The following WASF3 variants were observed in gnomAD, a reference collection of about 807,000 sequenced individuals.
The protein encoded by WASF3 is WASP family member 3.
WASF3 carries 11 observed loss-of-function variants against 46.6 expected under a neutral mutation model. That is an observed-to-expected ratio of 0.24 (90% CI 0.15 to 0.39). WASF3 has a LOEUF of 0.39. Among genes scored for constraint, WASF3 ranks in the 10% least tolerant of loss-of-function variants. WASF3 has a pLI of 1.00. For synonymous variants in WASF3, 242 were observed against 259.7 expected (o/e 0.93, Z 0.65); for missense variants, 576 against 669.8 (o/e 0.86, Z 1.55).
At chr13:26,684,994 G>T (rs1883357373) in intron 9 of WASF3, among the ~76,000 whole-genome samples, 1 of 151,998 alleles carries the variant, frequency 6.6e-6, no homozygotes, top group Non-Finnish European at 1.5e-5. Context: ...AGGCTGAGGT[G>T]GGAGGATTGC....
intron 2 of WASF3, among the ~76,000 whole-genome samples, chr13:26,624,852 GA>G (rs1214613534): frequency 6.6e-6 from 1 of 152,006 alleles, no homozygotes; most frequent in East Asian, 1.9e-4. Flanking sequence ...AGTATCAAGA[GA>G]AAAAGCTCAA....
At chr13:26,621,750 G>C (rs1469008047) in intron 2 of WASF3, among the ~76,000 whole-genome samples, 3 of 152,090 alleles carry the variant, frequency 2.0e-5, no homozygotes, top group Non-Finnish European at 2.9e-5. Flanking sequence ...GAAGCAGTGT[G>C]GCTCTAGAAG....
chr13:26,614,954 G>GTAT (rs1881086500), intron 2 of WASF3, among the ~76,000 whole-genome samples: 3 of 3,942 alleles, frequency 7.6e-4, no homozygotes, highest in Non-Finnish European at 5.7e-4. Context: ...TGTTCAGACT[G>GTAT]TTGTTGTAGG....
At chr13:26,633,196 A>ATTTATTTTTTT (rs1881705978) in intron 2 of WASF3, among the ~76,000 whole-genome samples, 3 of 22,170 alleles carry the variant, frequency 1.4e-4, no homozygotes, top group South Asian at 2.3e-3. Flanking sequence ...GATCTTAGTT[A>ATTTATTTTTTT]TTTCTTTTTT....
At chr13:26,641,144 C>A (rs1433579382) in intron 2 of WASF3, 2 of 152,134 alleles carry the variant, frequency 1.3e-5, no homozygotes, top group East Asian at 3.9e-4. Context: ...ATTTACCTTT[C>A]TTTTCCAGAG....
chr13:26,587,121 A>G (rs1880151464), intron 1 of WASF3, among the ~76,000 whole-genome samples: 3 of 149,962 alleles, frequency 2.0e-5, no homozygotes. Context: ...AAAAAAAAAA[A>G]AAAGGAAGAA....
intron 3 of WASF3, among the ~76,000 whole-genome samples, chr13:26,654,011 A>G (rs1184497762): frequency 6.6e-6 from 1 of 152,154 alleles, no homozygotes; most frequent in Non-Finnish European, 1.5e-5. Flanking sequence ...ATCCAGTCCA[A>G]TAGTGAAATG....
chr13:26,557,346 G>A (rs1382435969), upstream of WASF3, among the ~76,000 whole-genome samples: 1 of 152,166 alleles, frequency 6.6e-6, no homozygotes, highest in Non-Finnish European at 1.5e-5. Context: ...TAGGATATAA[G>A]CGCAAACTCA....
the WASF3 span, among the ~76,000 whole-genome samples, chr13:26,550,087 C>T: frequency 6.6e-6 from 1 of 152,132 alleles, no homozygotes; most frequent in Non-Finnish European, 1.5e-5. Context: ...GAATTTGGAG[C>T]AATAGCTATT....
intron 1 of WASF3, chr13:26,576,930 G>T: frequency 2.6e-6 from 2 of 773,666 alleles, no homozygotes; most frequent in South Asian, 1.4e-5. Context: ...GAGGCAAAAA[G>T]GGAGCCAAGA....
chr13:26,622,879 C>T (rs1881350396), intron 2 of WASF3: 1 of 152,168 alleles, frequency 6.6e-6, no homozygotes, highest in Admixed American at 6.5e-5. Flanking sequence ...CTTGTTCTTA[C>T]TGTGAAGGTG....
intron 1 of WASF3, among the ~76,000 whole-genome samples, chr13:26,571,274 A>T (rs561838445): frequency 1.1e-4 from 13 of 120,318 alleles, no homozygotes; most frequent in African/African-American, 3.4e-4. Flanking sequence ...AGATTTATCA[A>T]GCTTTTCTTT....
the WASF3 span, among the ~76,000 whole-genome samples, chr13:26,542,366 C>T: frequency 6.6e-6 from 1 of 152,196 alleles, no homozygotes; most frequent in African/African-American, 2.4e-5. Flanking sequence ...GTGATGGCAT[C>T]TCATTCTTGG....
At position 26,664,165 on chromosome 13, in the gene WASF3, A is replaced by G. The variant is rs181516059; in HGVS notation, c.134-863A>G. 1.5e-3 allele frequency among the ~76,000 whole-genome samples: 233 copies of G among 152,344 alleles called. 1 individual carries two copies. Among genetic ancestry groups the G allele is most frequent in the African/African-American group, 5.5e-3 (229 of 41,562 alleles). On this transcript the variant is annotated intron_variant, in intron 3 of 9. Transcript: ENST00000335327. ...AACTTTAGGGTTATTCTTAACTCTA[A>G]TGAAGTTTTCTTCCTGGGAGGTTCA...
chr13:26,631,146 C>T (rs2137261105), intron 2 of WASF3, among the ~76,000 whole-genome samples: 1 of 152,312 alleles, frequency 6.6e-6, no homozygotes, highest in African/African-American at 2.4e-5. Context: ...CATGCAGAAG[C>T]TCTTTAGTTT....
intron 3 of WASF3, among the ~76,000 whole-genome samples, chr13:26,659,079 T>G (rs1169218017): frequency 6.6e-6 from 1 of 152,212 alleles, no homozygotes; most frequent in Non-Finnish European, 1.5e-5. Flanking sequence ...ACTTGGTGAT[T>G]AGTGCTAGTC....
At chr13:26,587,196 TTTGTTTTTTAGTA>T (rs1305280496) in intron 1 of WASF3, among the ~76,000 whole-genome samples, 1 of 151,118 alleles carries the variant, frequency 6.6e-6, no homozygotes, top group Non-Finnish European at 1.5e-5. Context: ...TGGTGGTTTG[TTTGTTTTTTAGTA>T]TTGCAGAGGG....
intron 2 of WASF3, among the ~76,000 whole-genome samples, chr13:26,614,085 C>A (rs189359439): frequency 4.0e-5 from 6 of 151,000 alleles, no homozygotes; most frequent in Admixed American, 1.3e-4. Flanking sequence ...TTTCTTTTTT[C>A]TTTTGGAAGG....
chr13:26,553,895 A>T (rs1879023278), upstream of WASF3, among the ~76,000 whole-genome samples: 1 of 152,060 alleles, frequency 6.6e-6, no homozygotes, highest in South Asian at 2.1e-4. Context: ...GGATAAAGGT[A>T]TATGGGTGTT....
Sources: allele counts gnomAD v4.1 joint callset (sites outside exome capture counted in the v4.1 genomes callset), GRCh38; gene constraint gnomAD v4.1.1; transcripts MANE v1.5; gene names NCBI Gene and HGNC (gene_info 2026-07-23, HGNC 2026-07-21).